The following NUP98 variants were observed in gnomAD, a reference collection of about 807,000 sequenced individuals.
NUP98 encodes nucleoporin 98 and 96 precursor, also known as nuclear pore complex protein Nup98-Nup96.
NUP98 carries 26 observed loss-of-function variants against 191.9 expected under a neutral mutation model. That is an observed-to-expected ratio of 0.14 (90% confidence interval 0.10 to 0.19). The LOEUF (loss-of-function observed/expected upper bound fraction) is 0.19. Among genes scored for constraint, NUP98 ranks in the 10% least tolerant of loss-of-function variants. NUP98 has a pLI of 1.00. For synonymous variants in NUP98, 808 were observed against 778.4 expected (o/e 1.04, Z -0.63); for missense variants, 1,941 against 2,178.8 (o/e 0.89, Z 2.17).
rs528387219 is a variant in NUP98 at position 3,723,137 on chromosome 11, T to C, written c.2146+20A>G. 3.1e-6 allele frequency: 5 copies of C among 1,609,334 alleles called. No individual in the cohort carries two copies. The South Asian group carries it at 3.3e-5, about 11-fold the overall frequency. ...CGAATGACTGGTAAGAGATTAAACA[T>C]GCACCAATCTGAACCTGACCTGCTG... On this transcript the variant is annotated intron_variant, in intron 16 of 32. Transcript: ENST00000324932.
At chr11:3,762,586 C>T (rs1354722902) in intron 9 of NUP98, among the ~76,000 whole-genome samples, 3 of 151,004 alleles carry the variant, frequency 2.0e-5, no homozygotes, top group Admixed American at 6.6e-5. Flanking sequence ...TAAAAATTAT[C>T]TGATTCAAAT....
intron 1 of NUP98, among the ~76,000 whole-genome samples, chr11:3,791,406 C>T (rs981207772): frequency 8.1e-4 from 122 of 151,380 alleles, no homozygotes; most frequent in African/African-American, 2.8e-3. Flanking sequence ...TGGTGGTGGA[C>T]GCCTGTAATC....
chr11:3,758,099 T>A (rs553790012), intron 10 of NUP98, among the ~76,000 whole-genome samples: 1 of 150,364 alleles, frequency 6.7e-6, no homozygotes, highest in Non-Finnish European at 1.5e-5. Context: ...CGGCAGACCA[T>A]GAGGTCACAA....
At chr11:3,740,510 CT>C (rs1343953047) in intron 12 of NUP98, among the ~76,000 whole-genome samples, 1 of 149,190 alleles carries the variant, frequency 6.7e-6, no homozygotes, top group African/African-American at 2.5e-5. Flanking sequence ...GAGCAAGACT[CT>C]GTCTCAAAAA....
At chr11:3,727,647 A>C (rs1474840601) in intron 14 of NUP98, among the ~76,000 whole-genome samples, 1 of 152,070 alleles carries the variant, frequency 6.6e-6, no homozygotes, top group East Asian at 1.9e-4. Context: ...GGATTGCTTG[A>C]GCCCAGGAGT....
At chr11:3,719,206 T>A (rs1002189783) in intron 18 of NUP98, among the ~76,000 whole-genome samples, 2 of 151,956 alleles carry the variant, frequency 1.3e-5, no homozygotes, top group African/African-American at 4.8e-5. Context: ...AAAAATGAAT[T>A]AAAAAATAAA....
At chr11:3,775,552 C>CA (rs201254413) in intron 5 of NUP98, among the ~76,000 whole-genome samples, 4,019 of 138,374 alleles carry the variant, frequency 0.029, 74 homozygotes, top group East Asian at 0.092. Context: ...AACAAAATAA[C>CA]AAAAAAAAAA....
At chr11:3,732,166 T>C (rs2079875292) in intron 13 of NUP98, among the ~76,000 whole-genome samples, 1 of 152,174 alleles carries the variant, frequency 6.6e-6, no homozygotes, top group Non-Finnish European at 1.5e-5. Flanking sequence ...GGGAATCGCT[T>C]GAACCCAGGA....
At chr11:3,709,194 T>A (rs768889310) in intron 20 of NUP98, among the ~76,000 whole-genome samples, 4 of 152,168 alleles carry the variant, frequency 2.6e-5, no homozygotes, top group African/African-American at 4.8e-5. Context: ...AACAGTTTGA[T>A]CCAATATAAC....
chr11:3,684,669 T>C (rs1393447183), intron 29 of NUP98, among the ~76,000 whole-genome samples: 1 of 149,404 alleles, frequency 6.7e-6, no homozygotes, highest in Non-Finnish European at 1.5e-5. Flanking sequence ...AGAAATTGCT[T>C]AAGTCTTAAT....
rs560101220 is a variant in NUP98 at position 3,707,738 on chromosome 11, C to CA, written c.2743-1112dup. 1.2e-3 allele frequency among the ~76,000 whole-genome samples: 60 copies of CA among 48,562 alleles called. 4 individuals are homozygous for CA. Among genetic ancestry groups the CA allele is most frequent in the East Asian group, 2.5e-3 (2 of 806 alleles). 31.9% of individuals were successfully genotyped at this position (48,562 alleles called of 152,430 possible). ...TGGGCAACAGAATGAGACTCTGTCT[C>CA]AAAAAAAAAAAAAAAATCCTGAAGG... On this transcript the variant is annotated intron_variant, in intron 20 of 32. Transcript: ENST00000324932.
At chr11:3,752,672 C>T (rs1168302658) in intron 11 of NUP98, among the ~76,000 whole-genome samples, 4 of 151,454 alleles carry the variant, frequency 2.6e-5, no homozygotes, top group East Asian at 1.9e-4. Flanking sequence ...TGCAGTCAAA[C>T]GAATTGAAAA....
chr11:3,726,159 T>C (rs2079609564), intron 14 of NUP98, among the ~76,000 whole-genome samples: 1 of 152,128 alleles, frequency 6.6e-6, no homozygotes, highest in Admixed American at 6.6e-5. Context: ...TTTCTAAGAA[T>C]TGCTATTGCT....
intron 26 of NUP98, among the ~76,000 whole-genome samples, chr11:3,693,870 A>G (rs1426951128): frequency 6.6e-6 from 1 of 152,232 alleles, no homozygotes; most frequent in African/African-American, 2.4e-5. Flanking sequence ...GTAGGCAGTG[A>G]TAAGAGAAAT....
At chr11:3,714,189 T>TA (rs770930118) in intron 18 of NUP98, among the ~76,000 whole-genome samples, 194 bp from the exon 19 acceptor site, 3 of 152,302 alleles carry the variant, frequency 2.0e-5, no homozygotes, top group Non-Finnish European at 4.4e-5. Flanking sequence ...GACAACTCAA[T>TA]ATCTGGTTCT....
intron 8 of NUP98, among the ~76,000 whole-genome samples, chr11:3,766,450 G>A (rs1415714490): frequency 3.3e-5 from 5 of 152,106 alleles, no homozygotes; most frequent in Non-Finnish European, 7.4e-5. Flanking sequence ...AGCACTTTGT[G>A]AGGCAGAGGT....
chr11:3,779,122 A>C, intron 3 of NUP98, 34 bp downstream of exon 3: 1 of 1,613,384 alleles, frequency 6.2e-7, no homozygotes, highest in Non-Finnish European at 8.5e-7. Context: ...ACTAGCTACA[A>C]ACAAACCAGT....
In NUP98 at chr11:3,771,741, T is replaced by C; in HGVS notation, c.784+7A>G. ...CAGTATAATCTAACATGATATCAAGTGCTTACTAGTTCCAAAGGCAGTTTT... is the reference window on the plus strand; with the variant it reads ...CAGTATAATCTAACATGATATCAAGCGCTTACTAGTTCCAAAGGCAGTTTT... On this transcript the variant is annotated splice_region_variant and intron_variant, in intron 7 of 32. Transcript: ENST00000324932. 4.3e-6 allele frequency: 7 copies of C among 1,613,062 alleles called. No homozygotes were observed. Among genetic ancestry groups the C allele is most frequent in the Non-Finnish European group, 5.9e-6 (7 of 1,178,998 alleles).
intron 29 of NUP98, among the ~76,000 whole-genome samples, chr11:3,684,536 C>G (rs1374053768): frequency 6.6e-6 from 1 of 152,074 alleles, no homozygotes; most frequent in Non-Finnish European, 1.5e-5. Flanking sequence ...GCCATCCTAT[C>G]AAGCCAGTCT....
Sources: allele counts gnomAD v4.1 joint callset (sites outside exome capture counted in the v4.1 genomes callset), GRCh38; gene constraint gnomAD v4.1.1; transcripts MANE v1.5; gene names NCBI Gene and HGNC (gene_info 2026-07-23, HGNC 2026-07-21).